NTM: variants seen among roughly 807,000 people sequenced by gnomAD.
The protein encoded by NTM is IgLON family member 2.
Under a neutral mutation model 42.1 loss-of-function variants are expected in NTM, and 13 were observed. The ratio of observed to expected loss-of-function variants is 0.31; its 90% CI spans 0.20 to 0.49. NTM has a LOEUF of 0.49. NTM is among the 20% of genes least tolerant of loss of function. The pLI is 0.99. For synonymous variants in NTM, 187 were observed against 179.2 expected (o/e 1.04, Z -0.35); for missense variants, 373 against 452.8 (o/e 0.82, Z 1.60).
intron 2 of NTM, among the ~76,000 whole-genome samples, chr11:132,001,651 G>T (rs1364361285): frequency 6.6e-6 from 1 of 152,088 alleles, no homozygotes; most frequent in East Asian, 1.9e-4. Flanking sequence ...AAGCTCTGAG[G>T]GATCTCCCCC....
At chr11:132,295,386 G>C (rs2094576901) in intron 4 of NTM, among the ~76,000 whole-genome samples, 1 of 152,148 alleles carries the variant, frequency 6.6e-6, no homozygotes, top group African/African-American at 2.4e-5. Context: ...ACCTGCTATA[G>C]ATATTGGAGA....
chr11:132,095,981 C>G (rs963755108), intron 2 of NTM, among the ~76,000 whole-genome samples: 1 of 152,160 alleles, frequency 6.6e-6, no homozygotes, highest in African/African-American at 2.4e-5. Flanking sequence ...TGCAGCATCC[C>G]GCTGTGGGAG....
intron 1 of NTM, among the ~76,000 whole-genome samples, chr11:131,903,364 C>A (rs112412879): frequency 2.6e-5 from 4 of 152,138 alleles, no homozygotes; most frequent in Non-Finnish European, 5.9e-5. Context: ...TTTAATAGGA[C>A]CGTTACTGTA....
intron 2 of NTM, among the ~76,000 whole-genome samples, chr11:131,918,980 T>G (rs2056834181): frequency 6.6e-6 from 1 of 152,202 alleles, no homozygotes; most frequent in Non-Finnish European, 1.5e-5. Context: ...CATGAACATT[T>G]CCACGTACTT....
chr11:132,146,091 C>A lies in NTM; in HGVS notation c.168-191C>A. The A allele has an allele frequency of 2.7e-6, 1 of 373,856 alleles. No homozygotes were observed. The highest frequency in any genetic ancestry group is 3.7e-6 in the Non-Finnish European group (1 of 271,118). The allele number at this position is 373,856 out of a possible 1,614,324, so 23.2% of individuals were successfully genotyped here. A position where few individuals can be genotyped will look rare whatever the true frequency, so the allele number is the denominator to read the frequency against. On this transcript the variant is annotated intron_variant, in intron 2 of 8. Transcript: ENST00000683400. The surrounding 1 kb of genome is among the most constrained non-coding windows in gnomAD (Gnocchi z 4.5). ...AAGTGGTTTGAGAAGCTCCGAGCAACATTCTGAGGCTGTAATCCCATAAGA... is the reference window on the plus strand; with the variant it reads ...AAGTGGTTTGAGAAGCTCCGAGCAAAATTCTGAGGCTGTAATCCCATAAGA...
chr11:131,846,292 G>A (rs1402000997), intron 1 of NTM, among the ~76,000 whole-genome samples: 1 of 151,842 alleles, frequency 6.6e-6, no homozygotes, highest in African/African-American at 2.4e-5. Context: ...GAGTTTTGTT[G>A]TTCTCTTCAG....
At chr11:132,120,669 G>A (rs1485012752) in intron 2 of NTM, among the ~76,000 whole-genome samples, 1 of 152,178 alleles carries the variant, frequency 6.6e-6, no homozygotes, top group Admixed American at 6.5e-5. Flanking sequence ...AATAGTATTT[G>A]CCTCCCTGCT....
intron 2 of NTM, among the ~76,000 whole-genome samples, chr11:132,007,084 G>A (rs903968056): frequency 6.6e-6 from 1 of 152,146 alleles, no homozygotes; most frequent in African/African-American, 2.4e-5. Context: ...TGAGTGAATG[G>A]ATGAAAAAAG....
chr11:131,569,278 G>C (rs538564659), intron 1 of NTM, among the ~76,000 whole-genome samples: 2 of 152,042 alleles, frequency 1.3e-5, no homozygotes, highest in South Asian at 4.2e-4. Context: ...CTGAGTAGCT[G>C]AGATTACAGG....
intron 1 of NTM, among the ~76,000 whole-genome samples, chr11:131,568,300 A>G (rs2057099366): frequency 6.6e-6 from 1 of 152,240 alleles, no homozygotes; most frequent in African/African-American, 2.4e-5. Context: ...TCCTCTTGCA[A>G]GACAGTGAAT....
intron 1 of NTM, among the ~76,000 whole-genome samples, chr11:131,563,964 A>C (rs1261420484): frequency 6.6e-6 from 1 of 152,076 alleles, no homozygotes; most frequent in African/African-American, 2.4e-5. Context: ...GAGAGACCTG[A>C]CTCTGCTCCC....
intron 1 of NTM, among the ~76,000 whole-genome samples, chr11:131,813,183 T>C (rs2092809716): frequency 6.6e-6 from 1 of 152,184 alleles, no homozygotes; most frequent in African/African-American, 2.4e-5. Flanking sequence ...TTACCAAACA[T>C]CAATTTAGTT....
intron 4 of NTM, among the ~76,000 whole-genome samples, chr11:132,256,557 C>G (rs1472795011): frequency 6.6e-6 from 1 of 152,156 alleles, no homozygotes; most frequent in Admixed American, 6.5e-5. Flanking sequence ...TCCTGGCTCT[C>G]CAGGTCCTTT....
intron 2 of NTM, among the ~76,000 whole-genome samples, chr11:132,068,582 A>G (rs544608378): frequency 7.9e-5 from 12 of 152,352 alleles, no homozygotes; most frequent in Non-Finnish European, 1.6e-4. Context: ...TCATTGTCCA[A>G]TTCCAAAGCC....
chr11:131,732,265 A>C (rs2079794665), intron 1 of NTM, among the ~76,000 whole-genome samples: 1 of 152,158 alleles, frequency 6.6e-6, no homozygotes, highest in Admixed American at 6.5e-5. Flanking sequence ...AACCTCTGTA[A>C]ATATTCGCTT....
At chr11:131,935,610 G>C (rs973945430) in intron 2 of NTM, among the ~76,000 whole-genome samples, 1 of 151,924 alleles carries the variant, frequency 6.6e-6, no homozygotes. Context: ...GTGGGGGAGG[G>C]AAGGGGAGGG....
intron 1 of NTM, among the ~76,000 whole-genome samples, chr11:131,627,024 C>T (rs2063170677): frequency 6.6e-6 from 1 of 152,184 alleles, no homozygotes; most frequent in South Asian, 2.1e-4. Flanking sequence ...GCGTGTTTGA[C>T]AAGCTGGTTG....
intron 1 of NTM, among the ~76,000 whole-genome samples, chr11:131,397,313 A>G (rs1003591893): frequency 6.6e-6 from 1 of 152,138 alleles, no homozygotes; most frequent in Non-Finnish European, 1.5e-5. Flanking sequence ...CTCAGGGCCA[A>G]CTAGATAGCA....
intron 4 of NTM, among the ~76,000 whole-genome samples, chr11:132,267,657 A>G (rs1001391977): frequency 6.6e-6 from 1 of 151,952 alleles, no homozygotes; most frequent in Admixed American, 6.5e-5. Flanking sequence ...CTCTACTAAA[A>G]ATAGAAAAAT....
Sources: allele counts gnomAD v4.1 joint callset (sites outside exome capture counted in the v4.1 genomes callset), GRCh38; gene constraint gnomAD v4.1.1; non-coding constraint Gnocchi (gnomAD v3.1); transcripts MANE v1.5; gene names NCBI Gene and HGNC (gene_info 2026-07-23, HGNC 2026-07-21).